Variants in SNTG1 observed in about 807,000 individuals in gnomAD.
The protein encoded by SNTG1 is syntrophin gamma 1.
Under a neutral mutation model 74.7 loss-of-function variants are expected in SNTG1, and 39 were observed. The ratio of observed to expected loss-of-function variants is 0.52; its 90% CI spans 0.40 to 0.68. The LOEUF is 0.68. SNTG1 is among the 30% of genes least tolerant of loss of function. The pLI is 0.00. For missense variants in SNTG1, 685 were observed against 609.5 expected (o/e 1.12, Z -1.30); for synonymous variants, 254 against 217.1 (o/e 1.17, Z -1.49).
chr8:50,684,316 T>C (rs1409578695), intron 15 of SNTG1, among the ~76,000 whole-genome samples: 2 of 152,228 alleles, frequency 1.3e-5, no homozygotes, highest in Non-Finnish European at 2.9e-5. Context: ...AGTTCAAATC[T>C]GGAAGATGAA....
At chr8:50,336,310 C>A (rs534252780) in intron 2 of SNTG1, among the ~76,000 whole-genome samples, 1 of 152,290 alleles carries the variant, frequency 6.6e-6, no homozygotes, top group South Asian at 2.1e-4. Context: ...AATCTGTATT[C>A]ATAGATTTTC....
rs147864555 is a variant in SNTG1 at position 50,262,499 on chromosome 8, C to T, written c.-28+89864C>T. Among the ~76,000 whole-genome samples, 333 of 152,266 alleles carry T rather than the reference C, an allele frequency of 2.2e-3. 2 individuals are homozygous for T. The highest frequency in any genetic ancestry group is 7.5e-3 in the African/African-American group (311 of 41,540). On this transcript the variant is annotated intron_variant, in intron 2 of 18. Transcript: ENST00000642720. ...GATCTCTGCTCACTGCAGGCTCCGC[C>T]TCCTGGGTTCACGCCATTCTCCTGC...
chr8:50,782,550 C>T (rs576388254), intron 18 of SNTG1, among the ~76,000 whole-genome samples: 3 of 152,344 alleles, frequency 2.0e-5, no homozygotes, highest in South Asian at 2.1e-4. Context: ...TGGCTTTCAG[C>T]TCCATCATCT....
chr8:49,951,703 A>G (rs916979181), intron 1 of SNTG1, among the ~76,000 whole-genome samples: 5 of 151,658 alleles, frequency 3.3e-5, no homozygotes, highest in African/African-American at 1.2e-4. Context: ...GCACATGTAT[A>G]CATATGTAAC....
intron 2 of SNTG1, among the ~76,000 whole-genome samples, chr8:50,227,044 A>C (rs1435458973): frequency 6.6e-6 from 1 of 152,184 alleles, no homozygotes; most frequent in Non-Finnish European, 1.5e-5. Context: ...TAGTTTTTAC[A>C]ACAAAATACA....
intron 1 of SNTG1, among the ~76,000 whole-genome samples, chr8:49,912,439 A>G (rs1326251555): frequency 6.6e-6 from 1 of 152,208 alleles, no homozygotes; most frequent in African/African-American, 2.4e-5. Context: ...GTAAACTTTT[A>G]GCTGGCCATT....
chr8:50,599,479 C>T (rs1309123280), intron 13 of SNTG1, among the ~76,000 whole-genome samples: 7 of 152,016 alleles, frequency 4.6e-5, no homozygotes, highest in African/African-American at 1.2e-4. Context: ...AATATTGATT[C>T]TTCAAATCCA....
chr8:50,714,489 C>A (rs1315962500), intron 17 of SNTG1, among the ~76,000 whole-genome samples: 1 of 151,978 alleles, frequency 6.6e-6, no homozygotes, highest in Non-Finnish European at 1.5e-5. Flanking sequence ...TTTATAGATT[C>A]ATTGCTATTC....
At chr8:49,911,309 CG>C (rs1263168746), upstream of SNTG1, 2 of 151,962 alleles carry the variant, frequency 1.3e-5, no homozygotes, top group Non-Finnish European at 2.9e-5. Flanking sequence ...GGATTTTCCA[CG>C]GTACAAATCT....
intron 1 of SNTG1, among the ~76,000 whole-genome samples, chr8:50,059,831 T>C (rs971333266): frequency 3.9e-5 from 6 of 152,164 alleles, no homozygotes; most frequent in Admixed American, 6.6e-5. Context: ...GTGGACATAG[T>C]GTTGTCATTT....
At chr8:50,666,451 T>C (rs978715311) in intron 15 of SNTG1, among the ~76,000 whole-genome samples, 4 of 152,042 alleles carry the variant, frequency 2.6e-5, no homozygotes, top group Admixed American at 2.6e-4. Flanking sequence ...TTCTTGTTTG[T>C]AGAAGGTACA....
intron 13 of SNTG1, among the ~76,000 whole-genome samples, chr8:50,653,931 T>G (rs192501512): frequency 6.6e-6 from 1 of 152,338 alleles, no homozygotes; most frequent in East Asian, 1.9e-4. Flanking sequence ...AAACATATAT[T>G]ATAAATCGTC....
chr8:50,431,273 A>G (rs1415838977), intron 4 of SNTG1, among the ~76,000 whole-genome samples: 1 of 152,318 alleles, frequency 6.6e-6, no homozygotes, highest in South Asian at 2.1e-4. Flanking sequence ...TTCTGTGTCA[A>G]TGTGGGTTTG....
chr8:50,325,905 T>C (rs76196408), intron 2 of SNTG1, among the ~76,000 whole-genome samples: 2,121 of 152,212 alleles, frequency 0.014, 55 homozygotes, highest in African/African-American at 0.049. Context: ...GAGGTTTTCC[T>C]CTATTTCTAG....
chr8:50,141,553 T>A (rs1357390403), intron 1 of SNTG1, among the ~76,000 whole-genome samples: 1 of 152,182 alleles, frequency 6.6e-6, no homozygotes, highest in Non-Finnish European at 1.5e-5. Flanking sequence ...GGTTAGCTAA[T>A]TAAGCTTCCA....
intron 4 of SNTG1, among the ~76,000 whole-genome samples, chr8:50,422,984 G>A (rs1443467545): frequency 6.6e-6 from 1 of 152,148 alleles, no homozygotes; most frequent in Admixed American, 6.5e-5. Flanking sequence ...CATGTTGAAA[G>A]TTAAAGGCAG....
chr8:50,215,061 T>G (rs1393727051), intron 2 of SNTG1, among the ~76,000 whole-genome samples: 1 of 151,974 alleles, frequency 6.6e-6, no homozygotes, highest in Non-Finnish European at 1.5e-5. Flanking sequence ...CTTTGCAGGG[T>G]GGGTTCTCAT....
intron 1 of SNTG1, among the ~76,000 whole-genome samples, chr8:49,961,624 T>C (rs181377296): frequency 6.6e-6 from 1 of 152,326 alleles, no homozygotes; most frequent in East Asian, 1.9e-4. Context: ...TGGAATTCCT[T>C]AGAATAAGAC....
At chr8:50,639,520 T>C (rs1475412836) in intron 13 of SNTG1, among the ~76,000 whole-genome samples, 1 of 152,012 alleles carries the variant, frequency 6.6e-6, no homozygotes, top group Non-Finnish European at 1.5e-5. Context: ...GCTTCCATAT[T>C]ATTTTCAAAT....
Sources: allele counts gnomAD v4.1 joint callset (sites outside exome capture counted in the v4.1 genomes callset), GRCh38; gene constraint gnomAD v4.1.1; transcripts MANE v1.5; gene names NCBI Gene and HGNC (gene_info 2026-07-23, HGNC 2026-07-21).